Variants in RBFOX1 observed in about 807,000 individuals in gnomAD.
The protein encoded by RBFOX1 is RNA binding fox-1 homolog 1.
RBFOX1 carries 8 observed loss-of-function variants against 57.7 expected under a neutral mutation model. The observed-to-expected ratio is 0.14, with a 90% CI of 0.08 to 0.25. RBFOX1 has a LOEUF of 0.25. Ranked by LOEUF, RBFOX1 falls within the 10% of genes least tolerant of loss-of-function variation. The pLI is 1.00. For synonymous variants in RBFOX1, 326 were observed against 222.4 expected, an observed-to-expected ratio of 1.47 and a Z score of -4.15; for missense variants, 611 against 548.5, an observed-to-expected ratio of 1.11 and a Z score of -1.14.
intron 4 of RBFOX1, among the ~76,000 whole-genome samples, chr16:7,260,895 C>A (rs1371616832): frequency 6.6e-6 from 1 of 152,148 alleles, no homozygotes; most frequent in East Asian, 1.9e-4. Context: ...CTGATGCAGT[C>A]ACTGGGGTTG....
intron 8 of RBFOX1, among the ~76,000 whole-genome samples, 166 bp downstream of exon 8, chr16:7,595,807 T>G (rs74773550): frequency 4.0e-5 from 6 of 148,316 alleles, no homozygotes; most frequent in Admixed American, 6.7e-5. Flanking sequence ...CTGGCCTTAC[T>G]TTTTTTTTTA....
chr16:5,489,602 T>C (rs1309987906), intron 2 of RBFOX1, among the ~76,000 whole-genome samples: 2 of 152,178 alleles, frequency 1.3e-5, no homozygotes, highest in African/African-American at 4.8e-5. Flanking sequence ...ATGGAGTAAG[T>C]CCTTACATAT....
chr16:5,556,480 T>C (rs967980637), intron 2 of RBFOX1, among the ~76,000 whole-genome samples: 3 of 152,206 alleles, frequency 2.0e-5, no homozygotes, highest in Non-Finnish European at 4.4e-5. Flanking sequence ...ATTTATCTTT[T>C]CCCCCCGCTT....
chr16:7,069,374 G>T (rs758702250), intron 4 of RBFOX1, among the ~76,000 whole-genome samples: 1 of 152,000 alleles, frequency 6.6e-6, no homozygotes. Flanking sequence ...AAAGAGGCCC[G>T]GTGTGTGTGG....
chr16:7,497,303 C>T (rs537503323), intron 4 of RBFOX1, among the ~76,000 whole-genome samples: 2 of 152,300 alleles, frequency 1.3e-5, no homozygotes, highest in East Asian at 3.9e-4. Flanking sequence ...CTTTTATGCC[C>T]TGATGCTGAG....
intron 3 of RBFOX1, among the ~76,000 whole-genome samples, chr16:7,014,974 T>C (rs147918356): frequency 1.2e-3 from 184 of 152,318 alleles, no homozygotes; most frequent in African/African-American, 4.3e-3. Context: ...TATACCCGCC[T>C]GGACCTCCCA....
At chr16:7,301,636 T>TGTATTATGTATTAAATTAAAGTGCCATG (rs1355336652) in intron 4 of RBFOX1, among the ~76,000 whole-genome samples, 1 of 152,160 alleles carries the variant, frequency 6.6e-6, no homozygotes, top group Non-Finnish European at 1.5e-5. Context: ...AGATAAAGTC[T>TGTATTATGTATTAAATTAAAGTGCCATG]TATTAAAGTG....
At chr16:6,891,049 C>T (rs1158629486) in intron 3 of RBFOX1, among the ~76,000 whole-genome samples, 1 of 152,166 alleles carries the variant, frequency 6.6e-6, no homozygotes, top group Non-Finnish European at 1.5e-5. Context: ...GATTCCCCTT[C>T]ATGTTCCCCG....
intron 1 of RBFOX1, among the ~76,000 whole-genome samples, chr16:6,165,520 A>G (rs1385892775): frequency 6.6e-6 from 1 of 152,170 alleles, no homozygotes; most frequent in Admixed American, 6.5e-5. Flanking sequence ...AATAAAGATA[A>G]CACGTTTGCC....
At chr16:6,036,004 A>G (rs2095360422) in intron 1 of RBFOX1, among the ~76,000 whole-genome samples, 1 of 152,166 alleles carries the variant, frequency 6.6e-6, no homozygotes, top group Non-Finnish European at 1.5e-5. Flanking sequence ...TGCTTTACAT[A>G]TACTATCATC....
At chr16:6,075,517 A>C (rs765681129) in intron 1 of RBFOX1, among the ~76,000 whole-genome samples, 3 of 152,224 alleles carry the variant, frequency 2.0e-5, no homozygotes, top group Non-Finnish European at 4.4e-5. Context: ...TAATAATAGA[A>C]CACAATCTGT....
intron 3 of RBFOX1, among the ~76,000 whole-genome samples, chr16:6,733,222 G>C (rs540133233): frequency 6.6e-6 from 1 of 152,174 alleles, no homozygotes; most frequent in African/African-American, 2.4e-5. Flanking sequence ...ATTAGCAGGT[G>C]CCAGAGCCCT....
At chr16:7,185,935 C>G (rs888308234) in intron 4 of RBFOX1, among the ~76,000 whole-genome samples, 2 of 152,110 alleles carry the variant, frequency 1.3e-5, no homozygotes, top group African/African-American at 4.8e-5. Flanking sequence ...ACTTCCTGAC[C>G]CTTTCTCCCC....
At chr16:7,567,140 CATATATATCCCTAT>C (rs1404695592) in intron 5 of RBFOX1, among the ~76,000 whole-genome samples, 1 of 57,644 alleles carries the variant, frequency 1.7e-5, no homozygotes, top group African/African-American at 4.8e-5. Flanking sequence ...TATGTATATC[CATATATATCCCTAT>C]ATATATATCC....
intron 4 of RBFOX1, among the ~76,000 whole-genome samples, chr16:7,453,474 A>G (rs1181855584): frequency 1.3e-5 from 2 of 152,168 alleles, no homozygotes; most frequent in African/African-American, 4.8e-5. Context: ...GGGATTCATT[A>G]AAGGTTTTAA....
intron 3 of RBFOX1, among the ~76,000 whole-genome samples, chr16:5,766,429 C>T (rs187627630): frequency 6.6e-6 from 1 of 151,938 alleles, no homozygotes; most frequent in Admixed American, 6.6e-5. Flanking sequence ...TACTAAAATG[C>T]AAAAAATTAG....
At chr16:6,429,983 C>G (rs1172618612) in intron 2 of RBFOX1, among the ~76,000 whole-genome samples, 1 of 152,008 alleles carries the variant, frequency 6.6e-6, no homozygotes, top group Non-Finnish European at 1.5e-5. Context: ...TGACACATGC[C>G]TGTAATCCCA....
intron 4 of RBFOX1, among the ~76,000 whole-genome samples, chr16:7,100,762 C>G (rs140215888): frequency 1.3e-5 from 2 of 151,816 alleles, no homozygotes; most frequent in African/African-American, 4.8e-5. Context: ...ATCCAATGGC[C>G]GTAAATATAG....
At chr16:6,261,693 A>T (rs1017874267) in intron 1 of RBFOX1, among the ~76,000 whole-genome samples, 13 of 152,150 alleles carry the variant, frequency 8.5e-5, no homozygotes, top group Non-Finnish European at 1.6e-4. Flanking sequence ...GGCTTTTAAA[A>T]GTTAAAAGTA....
Sources: gnomAD v4.1 joint callset for allele counts (sites outside exome capture counted in the v4.1 genomes callset) on GRCh38, gnomAD v4.1.1 for gene constraint, MANE v1.5 for transcripts, NCBI Gene and HGNC (gene_info 2026-07-23, HGNC 2026-07-21) for gene names.